The following DPYD variants were observed in gnomAD, a reference collection of about 807,000 sequenced individuals.
DPYD encodes dihydropyrimidine dehydrogenase [NADP(+)].
A neutral mutation model predicts 116.2 loss-of-function variants in DPYD; 109 were observed. The ratio of observed to expected loss-of-function variants is 0.94; its 90% CI spans 0.80 to 1.10. The LOEUF is 1.10. Ranked by LOEUF, DPYD falls within the 50% of genes least tolerant of loss-of-function variation. The pLI, the probability that DPYD is intolerant of heterozygous loss-of-function variation, is 0.00. For synonymous variants in DPYD, 440 were observed against 432.0 expected (o/e 1.02, Z -0.23); for missense variants, 1,302 against 1,254.5 (o/e 1.04, Z -0.57).
At chr1:97,792,444 T>C (rs1265597153) in intron 3 of DPYD, among the ~76,000 whole-genome samples, 2 of 152,008 alleles carry the variant, frequency 1.3e-5, no homozygotes, top group Admixed American at 6.6e-5. Context: ...GAGACGGGGT[T>C]TCACCATGTT....
Position 97,799,349 on chromosome 1 carries a change from A to T in DPYD, c.233+28765T>A, listed in dbSNP as rs535734203. On this transcript the variant is annotated intron_variant, in intron 3 of 22. Transcript: ENST00000370192. ...GGCTTCAGTATTTCTTGAGAAACAC[A>T]AATGATGACCCTGATTTGTATGATC... 2.0e-5 allele frequency among the ~76,000 whole-genome samples: 3 copies of T among 152,140 alleles called. No homozygotes were observed. In the East Asian group the frequency reaches 5.8e-4, roughly 29 times the overall value.
intron 12 of DPYD, 98 bp from the exon 13 acceptor site, chr1:97,516,039 T>C: frequency 8.6e-7 from 1 of 1,169,106 alleles, no homozygotes; most frequent in Non-Finnish European, 1.3e-6. Flanking sequence ...TCCGAATTAA[T>C]ATAGATTACA....
chr1:97,216,380 T>C (rs1367985683), intron 19 of DPYD, among the ~76,000 whole-genome samples: 4 of 152,188 alleles, frequency 2.6e-5, no homozygotes, highest in Non-Finnish European at 5.9e-5. Flanking sequence ...CAGTAAAACA[T>C]TCAAAAGTTT....
intron 2 of DPYD, among the ~76,000 whole-genome samples, chr1:97,854,044 T>G (rs2101573726): frequency 6.6e-6 from 1 of 152,364 alleles, no homozygotes; most frequent in Non-Finnish European, 1.5e-5. Context: ...ATTATATTGT[T>G]AACTCTTCAG....
intron 14 of DPYD, among the ~76,000 whole-genome samples, chr1:97,445,062 T>C (rs1557716366): frequency 6.6e-6 from 1 of 152,168 alleles, no homozygotes; most frequent in Non-Finnish European, 1.5e-5. Context: ...AGGATCCTTT[T>C]TTCTTTTTCT....
intron 20 of DPYD, among the ~76,000 whole-genome samples, chr1:97,122,974 C>G (rs547271128): frequency 6.6e-6 from 1 of 151,996 alleles, no homozygotes; most frequent in East Asian, 1.9e-4. Context: ...TATAAGGTTG[C>G]CTATACTCTC....
intron 7 of DPYD, among the ~76,000 whole-genome samples, chr1:97,685,136 C>T (rs562559318): frequency 1.3e-5 from 2 of 152,208 alleles, no homozygotes; most frequent in African/African-American, 4.8e-5. Flanking sequence ...ATATAAAAAG[C>T]TTATCCATCA....
chr1:97,709,732 T>C (rs1431698844), intron 5 of DPYD, among the ~76,000 whole-genome samples: 2 of 151,864 alleles, frequency 1.3e-5, no homozygotes, highest in South Asian at 2.1e-4. Context: ...TAGTGTTCTA[T>C]AAATGAAAAA....
chr1:97,089,341 G>A (rs1230874038), intron 21 of DPYD, among the ~76,000 whole-genome samples: 1 of 152,164 alleles, frequency 6.6e-6, no homozygotes, highest in Non-Finnish European at 1.5e-5. Context: ...TGCTGCCTGG[G>A]AATAAAGCAC....
intron 19 of DPYD, among the ~76,000 whole-genome samples, chr1:97,200,453 G>C (rs1659124041): frequency 6.6e-6 from 1 of 152,262 alleles, no homozygotes; most frequent in Admixed American, 6.5e-5. Flanking sequence ...TATGTATCTG[G>C]AAGAGGTTCA....
At chr1:97,839,186 C>G (rs1249156270) in intron 2 of DPYD, among the ~76,000 whole-genome samples, 1 of 152,122 alleles carries the variant, frequency 6.6e-6, no homozygotes, top group Non-Finnish European at 1.5e-5. Context: ...GTATACTCCC[C>G]AATATATAAA....
chr1:97,771,720 G>C (rs1333834833), intron 3 of DPYD, among the ~76,000 whole-genome samples: 1 of 152,098 alleles, frequency 6.6e-6, no homozygotes, highest in East Asian at 1.9e-4. Context: ...GACTTCATCT[G>C]TCAATATGAT....
chr1:97,809,626 T>C (rs139701642), intron 3 of DPYD, among the ~76,000 whole-genome samples: 224 of 152,312 alleles, frequency 1.5e-3, no homozygotes, highest in Non-Finnish European at 2.8e-3. Context: ...TCTGTTGAAC[T>C]ACAAGACAAA....
intron 14 of DPYD, among the ~76,000 whole-genome samples, chr1:97,431,571 T>G (rs1675179742): frequency 1.3e-5 from 2 of 152,184 alleles, no homozygotes; most frequent in South Asian, 4.1e-4. Context: ...TCAATAATTT[T>G]TATGGTTATA....
At chr1:97,700,730 CGTAA>C (rs1159991155) in intron 5 of DPYD, among the ~76,000 whole-genome samples, 15 of 151,636 alleles carry the variant, frequency 9.9e-5, no homozygotes, top group African/African-American at 2.7e-4. Context: ...TACATAATCT[CGTAA>C]GTGTGGTTAT....
Position 97,162,512 on chromosome 1 carries a change from T to C in DPYD, c.2622+30557A>G, listed in dbSNP as rs1478514101. Among the ~76,000 whole-genome samples, 4 of 152,322 alleles carry C rather than the reference T, an allele frequency of 2.6e-5. No homozygotes were observed. The East Asian group carries it at 7.7e-4, about 29-fold the overall frequency. On this transcript the variant is annotated intron_variant, in intron 20 of 22. Coordinates refer to ENST00000370192, the MANE Select transcript of DPYD (RefSeq NM_000110.4). ...AAAGAGATGGAAGAACATTCCATGCTCATGGGTAGGAAGAATTAGTATCAT... is the reference window on the plus strand; with the variant it reads ...AAAGAGATGGAAGAACATTCCATGCCCATGGGTAGGAAGAATTAGTATCAT...
intron 13 of DPYD, among the ~76,000 whole-genome samples, chr1:97,510,788 T>A (rs1647733767): frequency 6.6e-6 from 1 of 152,020 alleles, no homozygotes. Flanking sequence ...GAAGTAACAC[T>A]GTGTAGACTT....
intron 1 of DPYD, among the ~76,000 whole-genome samples, chr1:97,908,845 A>G (rs1673779143): frequency 6.6e-6 from 1 of 152,014 alleles, no homozygotes; most frequent in South Asian, 2.1e-4. Context: ...AGCTTCCATG[A>G]TACACTATTA....
At chr1:97,115,223 T>G (rs148872245) in intron 20 of DPYD, among the ~76,000 whole-genome samples, 1,696 of 152,304 alleles carry the variant, frequency 0.011, 13 homozygotes, top group South Asian at 0.038. Flanking sequence ...GAATAAAGGG[T>G]GGGTGCTGAA....
Sources: gnomAD v4.1 joint callset for allele counts (sites outside exome capture counted in the v4.1 genomes callset) on GRCh38, gnomAD v4.1.1 for gene constraint, MANE v1.5 for transcripts, NCBI Gene and HGNC (gene_info 2026-07-23, HGNC 2026-07-21) for gene names.